BARX2: variants seen among roughly 807,000 people sequenced by gnomAD.
BARX2 encodes the protein homeobox protein BarH-like 2.
Under a neutral mutation model 25.5 loss-of-function variants are expected in BARX2, and 11 were observed. The observed-to-expected ratio is 0.43, with a 90% CI of 0.27 to 0.71. BARX2 has a LOEUF of 0.71. BARX2 is among the 30% of genes least tolerant of loss of function. The probability of loss-of-function intolerance (pLI) is 0.19; values close to 1 mark genes in which losing one functional copy is unlikely to be tolerated. For synonymous variants in BARX2, 137 were observed against 149.5 expected, an observed-to-expected ratio of 0.92 and a Z score of 0.61; for missense variants, 360 against 359.9, an observed-to-expected ratio of 1.00 and a Z score of 0.00.
chr11:129,445,003 A>G (rs1374380409), intron 3 of BARX2, among the ~76,000 whole-genome samples: 1 of 149,848 alleles, frequency 6.7e-6, no homozygotes, highest in African/African-American at 2.5e-5. Context: ...TCCGTCTCAA[A>G]AAATAAAAAT....
At chr11:129,422,930 C>T (rs149016260) in intron 1 of BARX2, among the ~76,000 whole-genome samples, 2,159 of 146,524 alleles carry the variant, frequency 0.015, 38 homozygotes, top group African/African-American at 0.05. Flanking sequence ...CTCAGACTCC[C>T]GACCTCAGAT....
chr11:129,387,870 A>G (rs1417671519), intron 1 of BARX2, among the ~76,000 whole-genome samples: 1 of 152,208 alleles, frequency 6.6e-6, no homozygotes, highest in Non-Finnish European at 1.5e-5. Context: ...GCTTGTATAC[A>G]TAAATGTGTT....
chr11:129,436,809 C>G lies in BARX2; in HGVS notation c.246C>G (p.Val82=). The change falls in exon 2 of 4, where the codon GTC becomes GTG. Residue 82 remains valine, a synonymous_variant. Transcript: ENST00000281437. This position sits in a 1 kb window ranked among gnomAD's most constrained non-coding sequence, Gnocchi z 4.5. ...LLSVITRQPT[V]ISHLVPATPG... ...CGGTGATCACCCGCCAGCCCACTGT[C>G]ATCTCCCACCTGGTCCCTGCCACCC... 3 of 1,613,308 alleles carry G rather than the reference C, an allele frequency of 1.9e-6. No individual in the cohort carries two copies. Among genetic ancestry groups the G allele is most frequent in the African/African-American group, 1.3e-5 (1 of 75,040 alleles).
At chr11:129,415,207 G>A (rs559338361) in intron 1 of BARX2, among the ~76,000 whole-genome samples, 14 of 152,100 alleles carry the variant, frequency 9.2e-5, no homozygotes, top group South Asian at 4.2e-4. Context: ...TACATGTTTT[G>A]ATGGTGTTAT....
At chr11:129,403,692 T>C (rs150380278) in intron 1 of BARX2, among the ~76,000 whole-genome samples, 250 of 152,352 alleles carry the variant, frequency 1.6e-3, no homozygotes, top group African/African-American at 5.6e-3. Context: ...TTCATTACAA[T>C]TGGAGTTTGG....
chr11:129,450,357 G>C (rs2135419149), intron 3 of BARX2, among the ~76,000 whole-genome samples: 1 of 152,284 alleles, frequency 6.6e-6, no homozygotes, highest in East Asian at 1.9e-4. Context: ...TGCAAACAAG[G>C]TGGTGTACAG....
chr11:129,427,741 T>C (rs1862082239), intron 1 of BARX2, among the ~76,000 whole-genome samples: 1 of 152,226 alleles, frequency 6.6e-6, no homozygotes, highest in South Asian at 2.1e-4. Context: ...CAAGTATGGC[T>C]GTAGCTGCGG....
At chr11:129,379,281 G>A (rs566734912) in intron 1 of BARX2, among the ~76,000 whole-genome samples, 24 of 152,256 alleles carry the variant, frequency 1.6e-4, no homozygotes, top group Non-Finnish European at 2.5e-4. Flanking sequence ...GAAAAGAGTT[G>A]TGTCATTCAG....
At chr11:129,384,234 T>C (rs1861597151) in intron 1 of BARX2, among the ~76,000 whole-genome samples, 1 of 151,964 alleles carries the variant, frequency 6.6e-6, no homozygotes, top group African/African-American at 2.4e-5. Flanking sequence ...TTCTGATCTT[T>C]TTTTTTTTTT....
chr11:129,385,994 A>C (rs1318774347), intron 1 of BARX2, among the ~76,000 whole-genome samples: 1 of 152,246 alleles, frequency 6.6e-6, no homozygotes, highest in Non-Finnish European at 1.5e-5. Context: ...ACATATGTAC[A>C]ACTCACACTG....
intron 1 of BARX2, among the ~76,000 whole-genome samples, chr11:129,402,479 T>G (rs1422332935): frequency 2.0e-5 from 3 of 152,166 alleles, no homozygotes. Context: ...TAAAAATCAG[T>G]GCATGACTAG....
chr11:129,408,900 C>T (rs1243337166), intron 1 of BARX2, among the ~76,000 whole-genome samples: 1 of 152,176 alleles, frequency 6.6e-6, no homozygotes, highest in Non-Finnish European at 1.5e-5. Flanking sequence ...CTATTTATTA[C>T]ATGAGAAGGT....
chr11:129,399,917 T>C (rs1861759361), intron 1 of BARX2, among the ~76,000 whole-genome samples: 1 of 152,156 alleles, frequency 6.6e-6, no homozygotes, highest in Non-Finnish European at 1.5e-5. Flanking sequence ...AGACCTGTTT[T>C]AGCTAGTCCT....
intron 1 of BARX2, among the ~76,000 whole-genome samples, chr11:129,378,563 C>CTTTTTTT (rs56804728): frequency 0.016 from 1,788 of 110,814 alleles, 1 homozygote; most frequent in Non-Finnish European, 0.023. Context: ...TTTTCTTTTT[C>CTTTTTTT]TTTTTTTTTT....
intron 1 of BARX2, among the ~76,000 whole-genome samples, chr11:129,430,449 G>A (rs1318372525): frequency 1.3e-5 from 2 of 152,140 alleles, no homozygotes; most frequent in Non-Finnish European, 2.9e-5. Context: ...AGTGAGGGGA[G>A]TCTTCTACTT....
chr11:129,397,708 G>A (rs769416178), intron 1 of BARX2, among the ~76,000 whole-genome samples: 1 of 152,202 alleles, frequency 6.6e-6, no homozygotes, highest in African/African-American at 2.4e-5. Context: ...GAGTAAATAC[G>A]CAGTTACCAG....
intron 1 of BARX2, among the ~76,000 whole-genome samples, chr11:129,406,401 A>G (rs1861830959): frequency 6.6e-6 from 1 of 152,278 alleles, no homozygotes; most frequent in South Asian, 2.1e-4. Flanking sequence ...TCTACCCGAC[A>G]CCAGAGTGCA....
rs533256402 is a variant in BARX2 at position 129,396,916 on chromosome 11, T to C, written c.187+20694T>C. On this transcript the variant is annotated intron_variant, in intron 1 of 3. Coordinates refer to ENST00000281437, the MANE Select transcript of BARX2 (RefSeq NM_003658.5). ...ATTCTCACACACAAATGAACTCCCATAAAGTAGAGGCTGAGTAGTTCTTGT... is the reference window on the plus strand; with the variant it reads ...ATTCTCACACACAAATGAACTCCCACAAAGTAGAGGCTGAGTAGTTCTTGT... Among the ~76,000 whole-genome samples, 5 of 152,226 alleles carry C rather than the reference T, an allele frequency of 3.3e-5. No homozygotes were observed. In the East Asian group the frequency reaches 7.7e-4, roughly 24 times the overall value.
upstream of BARX2, among the ~76,000 whole-genome samples, chr11:129,375,475 A>C (rs1369643036): frequency 6.6e-6 from 1 of 152,070 alleles, no homozygotes. The surrounding 1 kb of genome is among the most constrained non-coding windows in gnomAD (Gnocchi z 4.0). Context: ...TAAGGTGCTC[A>C]TGGGGAACAC....
Sources: gnomAD v4.1 joint callset for allele counts (sites outside exome capture counted in the v4.1 genomes callset) on GRCh38, gnomAD v4.1.1 for gene constraint, Gnocchi (gnomAD v3.1) non-coding constraint, MANE v1.5 for transcripts, NCBI Gene and HGNC (gene_info 2026-07-23, HGNC 2026-07-21) for gene names.